The following BAZ1A variants were observed in gnomAD, a reference collection of about 807,000 sequenced individuals.
BAZ1A encodes bromodomain adjacent to zinc finger domain 1A.
In BAZ1A, 50 loss-of-function variants were observed where a neutral mutation model predicts 185.2. The ratio of observed to expected loss-of-function variants is 0.27; its 90% CI spans 0.22 to 0.34. The LOEUF (loss-of-function observed/expected upper bound fraction) is 0.34, where lower values mean the gene tolerates loss of function less well. Among genes scored for constraint, BAZ1A ranks in the 10% least tolerant of loss-of-function variants. BAZ1A has a pLI of 1.00. For missense variants in BAZ1A, 1,356 were observed against 1,839.9 expected (o/e 0.74, Z 4.81); for synonymous variants, 571 against 615.6 (o/e 0.93, Z 1.07).
intron 24 of BAZ1A, among the ~76,000 whole-genome samples, chr14:34,759,890 G>T (rs189263461): frequency 4.6e-5 from 7 of 152,070 alleles, no homozygotes; most frequent in Admixed American, 1.3e-4. Flanking sequence ...GGCCAGGCTG[G>T]TCTCCAACTC....
chr14:34,781,980 G>A (rs1378186121), intron 16 of BAZ1A, among the ~76,000 whole-genome samples: 1 of 152,132 alleles, frequency 6.6e-6, no homozygotes, highest in Non-Finnish European at 1.5e-5. Context: ...TGGCTATTAA[G>A]AATAATGCTG....
At chr14:34,855,614 C>T (rs570310480) in intron 3 of BAZ1A, among the ~76,000 whole-genome samples, 3 of 152,176 alleles carry the variant, frequency 2.0e-5, no homozygotes, top group South Asian at 2.1e-4. Flanking sequence ...ATGTCTTGGG[C>T]CAGGCATGGT....
At chr14:34,837,695 C>T (rs947685129) in intron 3 of BAZ1A, among the ~76,000 whole-genome samples, 17 of 152,120 alleles carry the variant, frequency 1.1e-4, no homozygotes, top group Non-Finnish European at 4.4e-5. Flanking sequence ...ATTAGTGTGG[C>T]TGCAGAATCA....
At chr14:34,842,106 G>A (rs2042423937) in intron 3 of BAZ1A, among the ~76,000 whole-genome samples, 1 of 151,940 alleles carries the variant, frequency 6.6e-6, no homozygotes, top group Admixed American at 6.6e-5. Flanking sequence ...TTTTCCCAAT[G>A]CCTACAACAG....
Position 34,775,940 on chromosome 14 carries a change from C to T in BAZ1A, c.2812G>A (p.Glu938Lys). The part of the protein sequence containing the change: ...RICAQLARFS[E>K]EKFHFSDKPQ... ...TTACCTGAAAAATGAAATTTCTCTT[C>T]AGAAAAACGGGCTAGCTGTGCACAT... is the stretch of plus-strand genomic sequence containing the variant. The change falls in exon 18 of 27, where the codon GAA becomes AAA. Residue 938 changes from glutamate (E) to lysine (K), a missense_variant. Transcript: ENST00000360310. 6.4e-7 allele frequency: 1 copy of T among 1,557,700 alleles called. No homozygotes were observed. Among genetic ancestry groups the T allele is most frequent in the Non-Finnish European group, 8.7e-7 (1 of 1,152,304 alleles).
intron 12 of BAZ1A, among the ~76,000 whole-genome samples, chr14:34,790,642 C>T (rs947748546): frequency 3.3e-5 from 5 of 152,126 alleles, no homozygotes; most frequent in African/African-American, 1.2e-4. Context: ...GCATGAGCCA[C>T]CACACCCAGC....
chr14:34,814,781 CT>C (rs911007365), intron 4 of BAZ1A, among the ~76,000 whole-genome samples: 42 of 138,528 alleles, frequency 3.0e-4, no homozygotes, highest in African/African-American at 6.3e-4. Context: ...CAGACCTTAT[CT>C]TTTTTTTTTT....
chr14:34,860,877 A>C (rs1388364844), intron 3 of BAZ1A, among the ~76,000 whole-genome samples: 2 of 152,096 alleles, frequency 1.3e-5, no homozygotes, highest in Non-Finnish European at 2.9e-5. Context: ...CAGCCTGGGC[A>C]ACAAGAGCGG....
intron 3 of BAZ1A, among the ~76,000 whole-genome samples, chr14:34,861,808 C>T (rs2042773125): frequency 6.6e-6 from 1 of 152,068 alleles, no homozygotes; most frequent in Non-Finnish European, 1.5e-5. Context: ...TTACATAAGA[C>T]ACATGTTATA....
At chr14:34,758,998 A>T (rs1485163404) in intron 24 of BAZ1A, 152 bp from the exon 25 acceptor site, 1 of 721,732 alleles carries the variant, frequency 1.4e-6, no homozygotes, top group Non-Finnish European at 2.2e-6. Flanking sequence ...ATGAAAATTC[A>T]ACCAAAATAG....
chr14:34,758,853 AAAT>A lies in BAZ1A; in HGVS notation c.4244-10_4244-8del. ...AGTGTCACAGGCGATGGCTCTGAGT[AAAT>A]AATTACAACATTTTAGGTGATAACA... On this transcript the variant is annotated splice_polypyrimidine_tract_variant and splice_region_variant and intron_variant, in intron 24 of 26. Coordinates refer to ENST00000360310, the MANE Select transcript of BAZ1A (RefSeq NM_013448.3). 6.2e-7 allele frequency: 1 copy of A among 1,612,026 alleles called. No individual in the cohort carries two copies. The highest frequency in any genetic ancestry group is 8.5e-7 in the Non-Finnish European group (1 of 1,179,476).
At position 34,818,916 on chromosome 14, in the gene BAZ1A, C is replaced by T. The variant is rs545885693; in HGVS notation, c.536+7097G>A. 2.0e-4 allele frequency among the ~76,000 whole-genome samples: 30 copies of T among 151,742 alleles called. 1 individual carries two copies. The highest frequency in any genetic ancestry group is 4.1e-4 in the South Asian group (2 of 4,820). ...CAGCACTTTGGGAGGCCGAGGCGGG[C>T]GGATCACGAGGTCAGGAGATCGAGA... On this transcript the variant is annotated intron_variant, in intron 4 of 26. Transcript: ENST00000360310.
rs547342478 is a variant in BAZ1A at position 34,775,814 on chromosome 14, G to A, written c.2833+105C>T. On this transcript the variant is annotated intron_variant, in intron 18 of 26. Coordinates refer to ENST00000360310, the MANE Select transcript of BAZ1A (RefSeq NM_013448.3). Reference sequence around the variant, plus strand: ...AAGGACAGCCTAAATCAAAGATAAGGTGTTGTAAATGTATTTCTAATAGGT... The same window carrying A: ...AAGGACAGCCTAAATCAAAGATAAGATGTTGTAAATGTATTTCTAATAGGT... 7.4e-6 allele frequency: 6 copies of A among 810,498 alleles called. No homozygotes were observed. The African/African-American group carries it at 1.0e-4, about 14-fold the overall frequency. 50.2% of individuals were successfully genotyped at this position (810,498 alleles called of 1,614,324 possible). A position where few individuals can be genotyped will look rare whatever the true frequency, so the allele number is the denominator to read the frequency against.
chr14:34,849,519 TTTTAC>T (rs1267203361), intron 3 of BAZ1A, among the ~76,000 whole-genome samples: 18 of 152,264 alleles, frequency 1.2e-4, no homozygotes, highest in Middle Eastern at 3.4e-3. Context: ...TACATGAATC[TTTTAC>T]TTTAATAGAA....
At chr14:34,831,840 T>A (rs2042246273) in intron 3 of BAZ1A, among the ~76,000 whole-genome samples, 1 of 152,140 alleles carries the variant, frequency 6.6e-6, no homozygotes, top group Non-Finnish European at 1.5e-5. Context: ...AAGACTCAAA[T>A]TACTAAAATC....
intron 3 of BAZ1A, among the ~76,000 whole-genome samples, chr14:34,832,215 C>CACACACATAT: frequency 3.6e-4 from 32 of 89,710 alleles, no homozygotes; most frequent in African/African-American, 8.6e-4. Flanking sequence ...CACACACACA[C>CACACACATAT]ATATATATAT....
chr14:34,807,843 C>T (rs901069412), intron 5 of BAZ1A, among the ~76,000 whole-genome samples: 2 of 152,108 alleles, frequency 1.3e-5, no homozygotes, highest in African/African-American at 2.4e-5. Flanking sequence ...CAGTGGCTCA[C>T]GCCTGTAATC....
intron 15 of BAZ1A, 143 bp downstream of exon 15, chr14:34,783,619 A>C (rs1880200576): frequency 9.1e-7 from 1 of 1,099,788 alleles, no homozygotes. Context: ...GAGCCACCAC[A>C]CCTGGCCTCA....
Position 34,826,096 on chromosome 14 carries a change from T to C in BAZ1A, c.453A>G (p.Gly151=). 6.2e-7 allele frequency: 1 copy of C among 1,612,546 alleles called. No homozygotes were observed. The highest frequency in any genetic ancestry group is 8.5e-7 in the Non-Finnish European group (1 of 1,179,094). Residue 151 remains glycine (G), a synonymous_variant, in exon 4 of 27, where the codon GGA becomes GGG. Coordinates refer to ENST00000360310, the MANE Select transcript of BAZ1A (RefSeq NM_013448.3). ...TTTCTCCATCCACACTGTTAACATGTCCATTAGCAAAACCATTTTGATGTG... is the reference window on the plus strand; with the variant it reads ...TTTCTCCATCCACACTGTTAACATGCCCATTAGCAAAACCATTTTGATGTG... ...PPSHQNGFAN[G]HVNSVDGETI...
Sources: allele counts gnomAD v4.1 joint callset (sites outside exome capture counted in the v4.1 genomes callset), GRCh38; gene constraint gnomAD v4.1.1; transcripts MANE v1.5; gene names NCBI Gene and HGNC (gene_info 2026-07-23, HGNC 2026-07-21).